Variants in NHSL1 observed in about 807,000 individuals in gnomAD.
NHSL1 encodes the protein NHS like 1.
In NHSL1, 48 loss-of-function variants were observed where a neutral mutation model predicts 95.0. That is an observed-to-expected ratio of 0.51 (90% CI 0.40 to 0.64). The LOEUF (loss-of-function observed/expected upper bound fraction) is 0.64. Ranked by LOEUF, NHSL1 falls within the 30% of genes least tolerant of loss-of-function variation. The pLI, the probability that NHSL1 is intolerant of heterozygous loss-of-function variation, is 0.00. For synonymous variants in NHSL1, 783 were observed against 833.9 expected (o/e 0.94, Z 1.05); for missense variants, 1,971 against 2,077.7 (o/e 0.95, Z 1.00).
intron 1 of NHSL1, among the ~76,000 whole-genome samples, chr6:138,627,303 T>C (rs1379920970): frequency 6.6e-6 from 1 of 152,220 alleles, no homozygotes; most frequent in Non-Finnish European, 1.5e-5. Flanking sequence ...GAATAATTAA[T>C]ACACAAAAAG....
chr6:138,580,498 G>A (rs992269026), intron 1 of NHSL1, among the ~76,000 whole-genome samples: 6 of 152,240 alleles, frequency 3.9e-5, no homozygotes, highest in South Asian at 2.1e-4. Flanking sequence ...TCTCTGGGGC[G>A]GGGATGAGGG....
intron 1 of NHSL1, among the ~76,000 whole-genome samples, chr6:138,606,861 C>T (rs1279732731): frequency 6.6e-6 from 1 of 152,020 alleles, no homozygotes; most frequent in Non-Finnish European, 1.5e-5. Flanking sequence ...CGCCACCGCA[C>T]CTGGCTAATT....
intron 1 of NHSL1, among the ~76,000 whole-genome samples, chr6:138,564,235 T>A (rs193128954): frequency 9.3e-4 from 141 of 152,370 alleles, no homozygotes; most frequent in African/African-American, 3.2e-3. Context: ...CAGTGCTACC[T>A]ATAACTTGGA....
intron 1 of NHSL1, among the ~76,000 whole-genome samples, chr6:138,595,133 G>A (rs760368349): frequency 7.1e-4 from 108 of 152,120 alleles, no homozygotes; most frequent in Non-Finnish European, 1.3e-3. Flanking sequence ...TTCTAAGTAC[G>A]TCAATCACCT....
intron 1 of NHSL1, among the ~76,000 whole-genome samples, chr6:138,674,892 T>A (rs1279545591): frequency 6.6e-6 from 1 of 151,946 alleles, no homozygotes; most frequent in African/African-American, 2.4e-5. Flanking sequence ...CCATTTAAAG[T>A]TCCCCAGCAG....
chr6:138,569,016 T>C (rs906016887), intron 1 of NHSL1, among the ~76,000 whole-genome samples: 1 of 152,186 alleles, frequency 6.6e-6, no homozygotes, highest in African/African-American at 2.4e-5. Flanking sequence ...ACACTGATGG[T>C]AGGAGCTCAG....
intron 1 of NHSL1, among the ~76,000 whole-genome samples, chr6:138,627,739 G>C (rs1037883175): frequency 6.6e-6 from 1 of 151,990 alleles, no homozygotes; most frequent in African/African-American, 2.4e-5. Context: ...AAATTAGCTG[G>C]GCGTGGTGGC....
chr6:138,597,952 T>C (rs566756369), intron 1 of NHSL1, among the ~76,000 whole-genome samples: 1 of 152,092 alleles, frequency 6.6e-6, no homozygotes, highest in African/African-American at 2.4e-5. Context: ...TCAGTGACCT[T>C]GATGATGATT....
At chr6:138,437,373 C>T (rs1312756566) in intron 5 of NHSL1, among the ~76,000 whole-genome samples, 3 of 91,834 alleles carry the variant, frequency 3.3e-5, no homozygotes, top group African/African-American at 1.5e-4. Flanking sequence ...TATATATATA[C>T]ACATATATAT....
At chr6:138,670,419 C>A (rs1181054258) in intron 1 of NHSL1, among the ~76,000 whole-genome samples, 2 of 150,978 alleles carry the variant, frequency 1.3e-5, no homozygotes, top group South Asian at 4.2e-4. Context: ...ATAATCCCAG[C>A]ACTTTGGGAG....
intron 1 of NHSL1, among the ~76,000 whole-genome samples, chr6:138,518,966 C>T (rs2128306900): frequency 6.6e-6 from 1 of 152,218 alleles, no homozygotes; most frequent in East Asian, 1.9e-4. Context: ...TGCAGTGAGC[C>T]AAGATCGCAC....
Position 138,433,688 on chromosome 6 carries a change from T to C in NHSL1, c.665-8A>G. 1 of 1,515,460 alleles carries C rather than the reference T, an allele frequency of 6.6e-7. No homozygotes were observed. Among genetic ancestry groups the C allele is most frequent in the South Asian group, 1.2e-5 (1 of 80,058 alleles). 93.9% of individuals were successfully genotyped at this position (1,515,460 alleles called of 1,614,324 possible). A position where few individuals can be genotyped will look rare whatever the true frequency, so the allele number is the denominator to read the frequency against. On this transcript the variant is annotated splice_polypyrimidine_tract_variant and splice_region_variant and intron_variant, in intron 5 of 7. Coordinates refer to ENST00000343505, the MANE Select transcript of NHSL1 (RefSeq NM_001144060.2). ...CTTGGCCAGTGCCTGATGCTGGAGA[T>C]AAAGCAGAAAGAGGCTTGTTACCTG...
intron 1 of NHSL1, among the ~76,000 whole-genome samples, chr6:138,523,533 T>C (rs1009452217): frequency 1.4e-5 from 2 of 145,208 alleles, no homozygotes; most frequent in South Asian, 2.2e-4. Context: ...GGTCTCAAAC[T>C]CCTGGACTCA....
intron 1 of NHSL1, among the ~76,000 whole-genome samples, chr6:138,543,106 G>C (rs1782646128): frequency 6.6e-6 from 1 of 152,140 alleles, no homozygotes. Flanking sequence ...ACACATGGTA[G>C]TTTGCTATTA....
intron 1 of NHSL1, among the ~76,000 whole-genome samples, chr6:138,617,674 T>C (rs562367663): frequency 2.0e-5 from 3 of 152,268 alleles, no homozygotes; most frequent in African/African-American, 7.2e-5. Flanking sequence ...ACAAACACAA[T>C]GAAGATACTA....
chr6:138,559,746 T>A (rs1783342245), intron 1 of NHSL1, among the ~76,000 whole-genome samples: 1 of 152,204 alleles, frequency 6.6e-6, no homozygotes, highest in Non-Finnish European at 1.5e-5. Context: ...TTGAGGGTCA[T>A]AAAATCAAGT....
intron 4 of NHSL1, among the ~76,000 whole-genome samples, chr6:138,445,863 A>C (rs1339131939): frequency 6.6e-6 from 1 of 152,258 alleles, no homozygotes; most frequent in African/African-American, 2.4e-5. Context: ...GCTTTGTATG[A>C]CTTGATTATC....
chr6:138,520,692 A>G (rs1010803765), intron 1 of NHSL1, among the ~76,000 whole-genome samples: 1 of 152,222 alleles, frequency 6.6e-6, no homozygotes, highest in African/African-American at 2.4e-5. Context: ...ATATTTTACC[A>G]CAGATACTGC....
intron 1 of NHSL1, among the ~76,000 whole-genome samples, chr6:138,598,196 C>T (rs9495148): frequency 2.0e-5 from 3 of 151,814 alleles, no homozygotes; most frequent in Admixed American, 6.6e-5. Context: ...TGGTGGCTCA[C>T]GCCTGTAATC....
Sources: allele counts gnomAD v4.1 joint callset (sites outside exome capture counted in the v4.1 genomes callset), GRCh38; gene constraint gnomAD v4.1.1; transcripts MANE v1.5; gene names NCBI Gene and HGNC (gene_info 2026-07-23, HGNC 2026-07-21).